The following NALF1 variants were observed in gnomAD, a reference collection of about 807,000 sequenced individuals.
NALF1 encodes family with sequence similarity 155 member A.
A neutral mutation model predicts 48.4 loss-of-function variants in NALF1; 3 were observed. That is an observed-to-expected ratio of 0.06 (90% CI 0.03 to 0.16). The LOEUF (loss-of-function observed/expected upper bound fraction) is 0.16. Ranked by LOEUF, NALF1 falls within the 10% of genes least tolerant of loss-of-function variation. NALF1 has a pLI of 1.00. For synonymous variants in NALF1, 262 were observed against 245.7 expected, an observed-to-expected ratio of 1.07 and a Z score of -0.62; for missense variants, 526 against 571.5, an observed-to-expected ratio of 0.92 and a Z score of 0.81.
intron 1 of NALF1, among the ~76,000 whole-genome samples, chr13:107,675,700 G>A (rs1881101215): frequency 6.6e-6 from 1 of 152,020 alleles, no homozygotes. Context: ...CTGCTGCCTG[G>A]TTCTATCACC....
At chr13:107,551,176 C>T (rs1877282008) in intron 1 of NALF1, among the ~76,000 whole-genome samples, 1 of 152,120 alleles carries the variant, frequency 6.6e-6, no homozygotes, top group Non-Finnish European at 1.5e-5. Flanking sequence ...CTTGTGACGT[C>T]TCTTCTATGA....
chr13:107,197,502 T>C (rs1346855035), intron 2 of NALF1, among the ~76,000 whole-genome samples: 1 of 152,222 alleles, frequency 6.6e-6, no homozygotes, highest in African/African-American at 2.4e-5. Flanking sequence ...TAAATTTAAT[T>C]GTTGAGCTAC....
chr13:107,283,388 C>A (rs185145223), intron 1 of NALF1, among the ~76,000 whole-genome samples: 1 of 152,020 alleles, frequency 6.6e-6, no homozygotes, highest in East Asian at 1.9e-4. Context: ...ACTGCCAGAG[C>A]AAACTTTATC....
chr13:107,633,366 C>T (rs1879883797), intron 1 of NALF1, among the ~76,000 whole-genome samples: 1 of 152,086 alleles, frequency 6.6e-6, no homozygotes, highest in South Asian at 2.1e-4. Flanking sequence ...CTCTTCACTC[C>T]ACAGTCACCT....
intron 1 of NALF1, among the ~76,000 whole-genome samples, chr13:107,438,770 G>A (rs1884503320): frequency 7.7e-6 from 1 of 130,216 alleles, no homozygotes; most frequent in African/African-American, 2.9e-5. Context: ...GTTTGCAGCA[G>A]TGAGCTGAGA....
intron 1 of NALF1, among the ~76,000 whole-genome samples, chr13:107,240,285 C>T (rs1880440108): frequency 6.6e-6 from 1 of 152,156 alleles, no homozygotes; most frequent in South Asian, 2.1e-4. Context: ...TCTACCCATT[C>T]TTTGAATTAG....
chr13:107,626,305 A>G (rs1879672735), intron 1 of NALF1, among the ~76,000 whole-genome samples: 1 of 152,098 alleles, frequency 6.6e-6, no homozygotes, highest in Non-Finnish European at 1.5e-5. Context: ...ACCCTCATAC[A>G]CAGTTGGTAG....
chr13:107,244,243 G>C (rs908007400), intron 1 of NALF1, among the ~76,000 whole-genome samples: 1 of 152,156 alleles, frequency 6.6e-6, no homozygotes, highest in Non-Finnish European at 1.5e-5. Context: ...TTGCCATAGC[G>C]ATTTTTCAGG....
chr13:107,641,159 A>G (rs1230198356), intron 1 of NALF1, among the ~76,000 whole-genome samples: 1 of 152,204 alleles, frequency 6.6e-6, no homozygotes, highest in Non-Finnish European at 1.5e-5. Context: ...TAAGAACACA[A>G]AGATAAAAAT....
chr13:107,241,780 G>T (rs1880476678), intron 1 of NALF1, among the ~76,000 whole-genome samples: 1 of 152,080 alleles, frequency 6.6e-6, no homozygotes, highest in Admixed American at 6.6e-5. Flanking sequence ...CTGCAAAGTG[G>T]GAATGCCTGT....
intron 1 of NALF1, among the ~76,000 whole-genome samples, chr13:107,754,828 TCA>T (rs200491660): frequency 0.033 from 5,049 of 152,306 alleles, 119 homozygotes; most frequent in Middle Eastern, 0.061. Flanking sequence ...AACAATGCCT[TCA>T]CATACCCACA....
intron 1 of NALF1, among the ~76,000 whole-genome samples, chr13:107,616,003 G>C (rs563671504): frequency 4.8e-4 from 73 of 152,260 alleles, no homozygotes; most frequent in Non-Finnish European, 9.0e-4. Context: ...GGACTGGTTT[G>C]AGAATTAAAT....
chr13:107,645,350 G>A (rs935952437), intron 1 of NALF1, among the ~76,000 whole-genome samples: 5 of 152,074 alleles, frequency 3.3e-5, no homozygotes, highest in Non-Finnish European at 7.4e-5. Flanking sequence ...CTGGTAGCCA[G>A]AATAATGTCC....
chr13:107,837,582 G>A (rs1276305238), intron 1 of NALF1, among the ~76,000 whole-genome samples: 1 of 152,108 alleles, frequency 6.6e-6, no homozygotes, highest in African/African-American at 2.4e-5. Flanking sequence ...GAAAAGAGAG[G>A]GGAGATGCTG....
At chr13:107,599,607 T>C (rs1232824635) in intron 1 of NALF1, among the ~76,000 whole-genome samples, 1 of 152,198 alleles carries the variant, frequency 6.6e-6, no homozygotes, top group East Asian at 1.9e-4. Flanking sequence ...CTAATGAGCA[T>C]AAACTAACAT....
intron 1 of NALF1, among the ~76,000 whole-genome samples, chr13:107,791,573 T>G (rs1878235057): frequency 6.6e-6 from 1 of 152,198 alleles, no homozygotes; most frequent in African/African-American, 2.4e-5. Context: ...ATATTTTATT[T>G]TTAAAATTCC....
intron 1 of NALF1, among the ~76,000 whole-genome samples, chr13:107,661,647 C>T (rs1880737778): frequency 6.6e-6 from 1 of 152,160 alleles, no homozygotes; most frequent in South Asian, 2.1e-4. Flanking sequence ...ACATAATGTT[C>T]TGTGAAAACT....
chr13:107,588,110 C>T lies in NALF1; in HGVS notation c.915+277572G>A, dbSNP rs16970771. Among the ~76,000 whole-genome samples, 456 of 152,232 alleles carry T rather than the reference C, an allele frequency of 3.0e-3. 1 individual carries two copies. Among genetic ancestry groups the T allele is most frequent in the African/African-American group, 0.01 (433 of 41,542 alleles). On this transcript the variant is annotated intron_variant, in intron 1 of 2. Coordinates refer to ENST00000375915, the MANE Select transcript of NALF1 (RefSeq NM_001080396.3). ...AATTCTCGCATCAAGTGGGCACATTCCTAAACATCTTTCTCTACTCTTTCA... is the reference window on the plus strand; with the variant it reads ...AATTCTCGCATCAAGTGGGCACATTTCTAAACATCTTTCTCTACTCTTTCA...
chr13:107,626,855 A>G (rs955810372), intron 1 of NALF1, among the ~76,000 whole-genome samples: 1 of 152,104 alleles, frequency 6.6e-6, no homozygotes. Flanking sequence ...ATACAGGTAA[A>G]GATGGTAAAC....
Sources: gnomAD v4.1 joint callset for allele counts (sites outside exome capture counted in the v4.1 genomes callset) on GRCh38, gnomAD v4.1.1 for gene constraint, MANE v1.5 for transcripts, NCBI Gene and HGNC (gene_info 2026-07-23, HGNC 2026-07-21) for gene names.